Variants in EIF2AK3 observed in about 807,000 individuals in gnomAD.
EIF2AK3 encodes the protein eukaryotic translation initiation factor 2 alpha kinase 3.
Under a neutral mutation model 113.5 loss-of-function variants are expected in EIF2AK3, and 50 were observed. The observed-to-expected ratio is 0.44, with a 90% CI of 0.35 to 0.56. EIF2AK3 has a LOEUF of 0.56. Among genes scored for constraint, EIF2AK3 ranks in the 20% least tolerant of loss-of-function variants. The probability of loss-of-function intolerance (pLI) is 0.00; values close to 1 mark genes in which losing one functional copy is unlikely to be tolerated. For synonymous variants in EIF2AK3, 448 were observed against 495.4 expected (o/e 0.90, Z 1.27); for missense variants, 1,185 against 1,378.0 (o/e 0.86, Z 2.22).
At chr2:88,623,777 C>T (rs1180390779) in intron 1 of EIF2AK3, among the ~76,000 whole-genome samples, 1 of 152,182 alleles carries the variant, frequency 6.6e-6, no homozygotes, top group Non-Finnish European at 1.5e-5. Flanking sequence ...TTCAAGGTTT[C>T]TCAAACATTC....
chr2:88,579,202 TTTCC>T (rs1217533958), intron 11 of EIF2AK3, among the ~76,000 whole-genome samples: 2 of 152,226 alleles, frequency 1.3e-5, no homozygotes, highest in African/African-American at 4.8e-5. Context: ...TTCTAGTACT[TTTCC>T]TTATTTATAC....
chr2:88,557,773 T>C lies in EIF2AK3; in HGVS notation c.3314A>G (p.Gln1105Arg). The C allele has an allele frequency of 6.2e-7, 1 of 1,614,150 alleles. No homozygotes were observed. The highest frequency in any genetic ancestry group is 1.1e-5 in the South Asian group (1 of 91,082). Residue 1105 changes from glutamine to arginine, a missense_variant, in exon 17 of 17, where the codon CAG (glutamine) becomes CGG (arginine). By Grantham distance (43) the Gln-to-Arg change is conservative (BLOSUM62 1). Coordinates refer to ENST00000303236, the MANE Select transcript of EIF2AK3 (RefSeq NM_004836.7). Reference protein sequence around the residue: ...LSSSGTKHSRQSNNSHSPLPS... With the variant: ...LSSSGTKHSRRSNNSHSPLPS... ...CAAAGGGCTATGGGAGTTGTTGGACTGTCTTGAATGTTTTGTTCCCGATGA... is the reference window on the plus strand; with the variant it reads ...CAAAGGGCTATGGGAGTTGTTGGACCGTCTTGAATGTTTTGTTCCCGATGA...
intron 8 of EIF2AK3, among the ~76,000 whole-genome samples, chr2:88,586,595 CTTTTTTT>C (rs533167763): frequency 2.5e-5 from 3 of 119,928 alleles, no homozygotes; most frequent in African/African-American, 9.4e-5. Flanking sequence ...TTTATCTTGC[CTTTTTTT>C]TTTTTTTTTT....
intron 3 of EIF2AK3, among the ~76,000 whole-genome samples, chr2:88,594,830 T>TAA (rs58582485): frequency 1.8e-3 from 202 of 115,052 alleles, no homozygotes; most frequent in Middle Eastern, 4.7e-3. Flanking sequence ...TGTCAAAATG[T>TAA]AAAAAAAAAA....
intron 2 of EIF2AK3, among the ~76,000 whole-genome samples, chr2:88,606,432 T>G (rs2104459006): frequency 6.6e-6 from 1 of 152,308 alleles, no homozygotes; most frequent in Admixed American, 6.5e-5. Context: ...TATAACAAAA[T>G]TAAATTAAAG....
chr2:88,575,756 A>G (rs1327139349), intron 12 of EIF2AK3: 1 of 399,958 alleles, frequency 2.5e-6, no homozygotes, highest in Non-Finnish European at 4.7e-6. Flanking sequence ...GTGGCTTAAA[A>G]TTAACCTAAA....
chr2:88,583,328 T>C (rs1469385596), intron 10 of EIF2AK3, 102 bp downstream of exon 10: 1 of 829,998 alleles, frequency 1.2e-6, no homozygotes, highest in Non-Finnish European at 2.0e-6. Flanking sequence ...GTTAAGCCTA[T>C]GTTTTATTTT....
rs933923168 is a variant in EIF2AK3, at chr2:88,570,016, AT to A, written c.2985+857del. On this transcript the variant is annotated intron_variant, in intron 14 of 16. Coordinates refer to ENST00000303236, the MANE Select transcript of EIF2AK3 (RefSeq NM_004836.7). ...AAAAATGTAAACAAATGTCACTCTA[AT>A]TTTTTTTTTTTGCAGGGGAATTGGT... Among the ~76,000 whole-genome samples, 126 of 145,040 alleles carry A rather than the reference AT, an allele frequency of 8.7e-4. No homozygotes were observed. The East Asian group carries it at 0.012, about 13-fold the overall frequency.
intron 1 of EIF2AK3, among the ~76,000 whole-genome samples, chr2:88,625,253 C>T (rs911551223): frequency 6.7e-6 from 1 of 149,684 alleles, no homozygotes. Flanking sequence ...CCCTGCCTAG[C>T]ATACATATGT....
At position 88,593,269 on chromosome 2, in the gene EIF2AK3, C is replaced by T; in HGVS notation, c.767+3G>A. The T allele has an allele frequency of 6.2e-7, 1 of 1,614,014 alleles. No individual in the cohort carries two copies. Among genetic ancestry groups the T allele is most frequent in the Non-Finnish European group, 8.5e-7 (1 of 1,179,956 alleles). On this transcript the variant is annotated splice_donor_region_variant and intron_variant, in intron 4 of 16. Transcript: ENST00000303236. The stretch of plus-strand genomic sequence containing the variant: ...CCAACAGCAACATTATCTGAATACA[C>T]ACTTCTCATTGCCACTGCGAGGTCC...
chr2:88,556,953 C>T lies in EIF2AK3; in HGVS notation c.*783G>A, dbSNP rs1673794168. On this transcript the variant is annotated 3_prime_UTR_variant, in exon 17 of 17. Transcript: ENST00000303236. ...ATAATCAGTTTGGGGGAAGTACCAA[C>T]CTACAGGATTACATATAAGACACTT... 6.6e-6 allele frequency: 1 copy of T among 152,114 alleles called. No homozygotes were observed. The highest frequency in any genetic ancestry group is 1.5e-5 in the Non-Finnish European group (1 of 68,014). The allele number at this position is 152,114 out of a possible 1,614,324, so 9.4% of individuals were successfully genotyped here. A position where few individuals can be genotyped will look rare whatever the true frequency, so the allele number is the denominator to read the frequency against.
At chr2:88,588,219 T>C in intron 7 of EIF2AK3, 115 bp from the exon 8 acceptor site, 1 of 686,926 alleles carries the variant, frequency 1.5e-6, no homozygotes, top group Non-Finnish European at 2.2e-6. Flanking sequence ...CATAATTCAA[T>C]TCAAACATAT....
chr2:88,626,267 A>C (rs1390902755), intron 1 of EIF2AK3, among the ~76,000 whole-genome samples: 1 of 152,228 alleles, frequency 6.6e-6, no homozygotes, highest in Admixed American at 6.5e-5. Flanking sequence ...TTATTCAAGA[A>C]CCTAACCATG....
chr2:88,617,573 G>A (rs960177826), intron 1 of EIF2AK3, among the ~76,000 whole-genome samples: 7 of 151,972 alleles, frequency 4.6e-5, no homozygotes, highest in Non-Finnish European at 1.0e-4. Flanking sequence ...GGCCAACGTG[G>A]TGAAACCCCA....
chr2:88,627,428 A>T lies in EIF2AK3; in HGVS notation c.-154T>A. On this transcript the variant is annotated 5_prime_UTR_variant, in exon 1 of 17. Coordinates refer to ENST00000303236, the MANE Select transcript of EIF2AK3 (RefSeq NM_004836.7). ...AGCCGTGTTCCCCTGGCCACGTCTC[A>T]GCCCGGCCTCTGCCGCTGCCACCTG... The T allele has an allele frequency of 1.0e-6, 1 of 973,578 alleles. No individual in the cohort carries two copies. The highest frequency in any genetic ancestry group is 1.4e-6 in the Non-Finnish European group (1 of 739,244). 60.3% of individuals were successfully genotyped at this position (973,578 alleles called of 1,614,324 possible).
At chr2:88,571,180 C>G in intron 13 of EIF2AK3, 139 bp from the exon 14 acceptor site, 1 of 1,090,004 alleles carries the variant, frequency 9.2e-7, no homozygotes. Flanking sequence ...AATGGGCTAA[C>G]AGGAAAATAG....
At chr2:88,561,072 T>C (rs1161101690) in intron 15 of EIF2AK3, among the ~76,000 whole-genome samples, 2 of 149,810 alleles carry the variant, frequency 1.3e-5, no homozygotes, top group Non-Finnish European at 1.5e-5. Context: ...ACAATCATAG[T>C]GATCTTCCTG....
In EIF2AK3 at chr2:88,578,630, C is replaced by T. The variant is rs906614251; in HGVS notation, c.1886+888G>A. Reference sequence around the variant, plus strand: ...CAGGGAGGCAAAGGTTGCAGAGAGCCGAGATTGTGCCATTGCACTCCAGCC... The same window carrying T: ...CAGGGAGGCAAAGGTTGCAGAGAGCTGAGATTGTGCCATTGCACTCCAGCC... On this transcript the variant is annotated intron_variant, in intron 11 of 16. Coordinates refer to ENST00000303236, the MANE Select transcript of EIF2AK3 (RefSeq NM_004836.7). Among the ~76,000 whole-genome samples the T allele has an allele frequency of 6.0e-5, 9 of 150,162 alleles. No individual in the cohort carries two copies. In the East Asian group the frequency reaches 9.8e-4, roughly 16 times the overall value.
intron 16 of EIF2AK3, 71 bp downstream of exon 16, chr2:88,558,846 G>A (rs1673857856): frequency 8.1e-7 from 1 of 1,238,902 alleles, no homozygotes. Context: ...GGGAAACTGA[G>A]TCGACTGCTA....
Sources: gnomAD v4.1 joint callset for allele counts (sites outside exome capture counted in the v4.1 genomes callset) on GRCh38, gnomAD v4.1.1 for gene constraint, MANE v1.5 for transcripts, NCBI Gene and HGNC (gene_info 2026-07-23, HGNC 2026-07-21) for gene names.